The following METTL16 variants were observed in gnomAD, a reference collection of about 807,000 sequenced individuals.
METTL16 encodes the protein methyltransferase 16, RNA N6-adenosine.
METTL16 carries 19 observed loss-of-function variants against 57.9 expected under a neutral mutation model. The observed-to-expected ratio is 0.33, with a 90% CI of 0.23 to 0.48. The LOEUF (loss-of-function observed/expected upper bound fraction) is 0.48, where lower values mean the gene tolerates loss of function less well. Ranked by LOEUF, METTL16 falls within the 20% of genes least tolerant of loss-of-function variation. METTL16 has a pLI of 0.99. For synonymous variants in METTL16, 246 were observed against 255.6 expected (o/e 0.96, Z 0.36); for missense variants, 434 against 691.5 (o/e 0.63, Z 4.18).
intron 8 of METTL16, among the ~76,000 whole-genome samples, chr17:2,432,985 C>T (rs2066884410): frequency 6.6e-6 from 1 of 152,158 alleles, no homozygotes; most frequent in South Asian, 2.1e-4. Context: ...CTTTTCCACA[C>T]CTATGCAAGA....
chr17:2,448,802 TAAAA>T (rs71150866), intron 6 of METTL16, among the ~76,000 whole-genome samples: 11 of 43,624 alleles, frequency 2.5e-4, no homozygotes, highest in African/African-American at 6.5e-4. Flanking sequence ...AAATAAAATT[TAAAA>T]AAAAAAAAAA....
intron 6 of METTL16, among the ~76,000 whole-genome samples, chr17:2,461,077 G>T (rs769862618): frequency 6.6e-6 from 1 of 152,080 alleles, no homozygotes; most frequent in Non-Finnish European, 1.5e-5. Flanking sequence ...TCTAGACTGG[G>T]TGCGGTGGCT....
At chr17:2,431,262 T>C (rs2066872275) in intron 8 of METTL16, among the ~76,000 whole-genome samples, 1 of 152,210 alleles carries the variant, frequency 6.6e-6, no homozygotes, top group South Asian at 2.1e-4. Context: ...GTGTAAATCA[T>C]GTGTATGGGA....
At chr17:2,477,586 T>G (rs1787749955) in intron 3 of METTL16, 100 bp downstream of exon 3, 1 of 880,536 alleles carries the variant, frequency 1.1e-6, no homozygotes, top group African/African-American at 1.7e-5. Context: ...CCAGCTTCTT[T>G]TGTACAACAA....
chr17:2,461,707 G>A (rs904695952), intron 6 of METTL16, among the ~76,000 whole-genome samples: 1 of 151,570 alleles, frequency 6.6e-6, no homozygotes, highest in Non-Finnish European at 1.5e-5. Flanking sequence ...CTCCCGAGTA[G>A]CTGGGATTAC....
intron 3 of METTL16, among the ~76,000 whole-genome samples, chr17:2,476,207 G>A (rs899154484): frequency 3.3e-5 from 5 of 152,162 alleles, no homozygotes; most frequent in Non-Finnish European, 7.4e-5. Context: ...TTTGGTCTTG[G>A]ACATAGCAAG....
intron 5 of METTL16, among the ~76,000 whole-genome samples, chr17:2,466,646 G>A (rs1248468147): frequency 6.6e-6 from 1 of 151,890 alleles, no homozygotes; most frequent in East Asian, 1.9e-4. Context: ...TATCACATGG[G>A]GTAGGATTTG....
chr17:2,447,720 C>A (rs2067017256), intron 6 of METTL16, among the ~76,000 whole-genome samples: 1 of 144,640 alleles, frequency 6.9e-6, no homozygotes, highest in Non-Finnish European at 1.5e-5. Flanking sequence ...GGTCAGCCCC[C>A]CGCCCGGCCA....
chr17:2,426,728 C>CAAAAAAA (rs778818177), intron 8 of METTL16, among the ~76,000 whole-genome samples: 2 of 35,128 alleles, frequency 5.7e-5, no homozygotes, highest in African/African-American at 2.0e-4. Flanking sequence ...GACTCCGTCT[C>CAAAAAAA]AAAAAAAAAA....
At chr17:2,448,048 C>T (rs1597448534) in intron 6 of METTL16, among the ~76,000 whole-genome samples, 1 of 57,704 alleles carries the variant, frequency 1.7e-5, no homozygotes, top group Non-Finnish European at 3.3e-5. Flanking sequence ...CCCCTCTGCC[C>T]GGCCAGCCGC....
intron 1 of METTL16, among the ~76,000 whole-genome samples, chr17:2,511,311 G>A (rs1197104475): frequency 1.3e-5 from 2 of 151,362 alleles, no homozygotes; most frequent in African/African-American, 2.4e-5. Context: ...TTGATACACA[G>A]CCTGTAAAAC....
chr17:2,441,705 T>C (rs960407288), intron 6 of METTL16, 146 bp from the exon 7 acceptor site: 2 of 461,570 alleles, frequency 4.3e-6, no homozygotes, highest in Non-Finnish European at 7.5e-6. Context: ...TTACATACAA[T>C]GTATTTCGAC....
intron 8 of METTL16, among the ~76,000 whole-genome samples, chr17:2,434,249 T>C (rs912092742): frequency 6.6e-6 from 1 of 152,174 alleles, no homozygotes; most frequent in Non-Finnish European, 1.5e-5. Context: ...CCCAGGCTGG[T>C]GGGCAACGGC....
intron 3 of METTL16, among the ~76,000 whole-genome samples, chr17:2,474,743 T>C (rs1275909734): frequency 3.3e-5 from 5 of 152,192 alleles, no homozygotes; most frequent in Admixed American, 3.3e-4. Context: ...CTGGCCAACA[T>C]GGTGAAACCC....
intron 3 of METTL16, among the ~76,000 whole-genome samples, chr17:2,474,701 G>A (rs189360332): frequency 1.3e-5 from 2 of 152,306 alleles, no homozygotes; most frequent in African/African-American, 2.4e-5. Flanking sequence ...CGAGGCAGGC[G>A]GACCACCTGA....
chr17:2,464,179 T>C (rs1318622758), intron 6 of METTL16, 29 bp downstream of exon 6: 1 of 1,598,590 alleles, frequency 6.3e-7, no homozygotes, highest in Non-Finnish European at 8.5e-7. Context: ...GTTGTAAAGA[T>C]GGACTCTATG....
chr17:2,486,809 T>C (rs1299549993), intron 2 of METTL16, among the ~76,000 whole-genome samples: 2 of 151,434 alleles, frequency 1.3e-5, no homozygotes, highest in African/African-American at 4.9e-5. Context: ...CCTATTTCTA[T>C]AAAATATACA....
chr17:2,508,002 G>A (rs1407748345), intron 1 of METTL16, among the ~76,000 whole-genome samples: 1 of 152,098 alleles, frequency 6.6e-6, no homozygotes, highest in South Asian at 2.1e-4. Flanking sequence ...AAGGCCGCAG[G>A]GTTCTCTGCC....
intron 2 of METTL16, among the ~76,000 whole-genome samples, chr17:2,491,508 G>A (rs1464917882): frequency 6.6e-6 from 1 of 152,126 alleles, no homozygotes; most frequent in Non-Finnish European, 1.5e-5. Context: ...TCTTTAGATG[G>A]TCACTGAGGT....
Sources: allele counts gnomAD v4.1 joint callset (sites outside exome capture counted in the v4.1 genomes callset), GRCh38; gene constraint gnomAD v4.1.1; transcripts MANE v1.5; gene names NCBI Gene and HGNC (gene_info 2026-07-23, HGNC 2026-07-21).